IL5RA: variants seen among roughly 807,000 people sequenced by gnomAD.
IL5RA encodes interleukin 5 receptor subunit alpha.
In IL5RA, 49 loss-of-function variants were observed where a neutral mutation model predicts 50.0. That is an observed-to-expected ratio of 0.98 (90% confidence interval 0.78 to 1.24). The LOEUF is 1.24. Among genes scored for constraint, IL5RA ranks in the 50% most tolerant of loss-of-function variants. The pLI, the probability that IL5RA is intolerant of heterozygous loss-of-function variation, is 0.00. For synonymous variants in IL5RA, 202 were observed against 174.0 expected (o/e 1.16, Z -1.26); for missense variants, 600 against 500.4 (o/e 1.20, Z -1.90).
chr3:3,100,809 C>G (rs1703609211), intron 5 of IL5RA, among the ~76,000 whole-genome samples: 1 of 152,020 alleles, frequency 6.6e-6, no homozygotes, highest in Non-Finnish European at 1.5e-5. Context: ...TACTTGGGAT[C>G]AAGCCCATGC....
At chr3:3,070,397 AT>A in intron 11 of IL5RA, 86 bp from the exon 12 acceptor site, 1 of 773,720 alleles carries the variant, frequency 1.3e-6, no homozygotes, top group Admixed American at 2.4e-5. Flanking sequence ...TAAGTCTATT[AT>A]TTTTTAAATA....
chr3:3,080,438 TG>T (rs1382008688), intron 9 of IL5RA, among the ~76,000 whole-genome samples: 1 of 152,174 alleles, frequency 6.6e-6, no homozygotes, highest in Admixed American at 6.5e-5. Flanking sequence ...GAGGGCACAC[TG>T]AATACATAGG....
chr3:3,097,785 A>C, intron 7 of IL5RA, 85 bp downstream of exon 7: 1 of 1,418,542 alleles, frequency 7.0e-7, no homozygotes, highest in Non-Finnish European at 9.6e-7. Flanking sequence ...AGAAGCAGTA[A>C]AACTAGGTGA....
Position 3,102,510 on chromosome 3 carries a change from C to T in IL5RA, c.228+165G>A, listed in dbSNP as rs138641541. Among the ~76,000 whole-genome samples, 18 of 152,310 alleles carry T rather than the reference C, an allele frequency of 1.2e-4. 1 individual carries two copies. The highest frequency in any genetic ancestry group is 6.2e-4 in the South Asian group (3 of 4,830). On this transcript the variant is annotated intron_variant, in intron 4 of 11. Transcript: ENST00000446632. ...GTTTAACGCTGAACAATACACCCGGCGCTAGCTCACAGGCATTCTTAGAGA... is the reference window on the plus strand; with the variant it reads ...GTTTAACGCTGAACAATACACCCGGTGCTAGCTCACAGGCATTCTTAGAGA...
chr3:3,078,209 A>C (rs955618177), intron 9 of IL5RA, among the ~76,000 whole-genome samples: 1 of 152,218 alleles, frequency 6.6e-6, no homozygotes, highest in Non-Finnish European at 1.5e-5. Flanking sequence ...AAAAGAAGAA[A>C]TACATAAGTG....
chr3:3,090,156 A>T, intron 9 of IL5RA: 5 of 1,570,950 alleles, frequency 3.2e-6, no homozygotes, highest in Non-Finnish European at 4.4e-6. Context: ...AATAAATAAA[A>T]ATTAAAAAAC....
At position 3,107,669 on chromosome 3, in the gene IL5RA, G is replaced by C. The variant is rs1703992353; in HGVS notation, c.-4+881C>G. Reference sequence around the variant, plus strand: ...AGGAAGACATGCTCAATCTTTAAGAGAAATCATGATCTCATGATCTACTTG... The same window carrying C: ...AGGAAGACATGCTCAATCTTTAAGACAAATCATGATCTCATGATCTACTTG... On this transcript the variant is annotated intron_variant, in intron 2 of 11. Coordinates refer to ENST00000446632, the MANE Select transcript of IL5RA (RefSeq NM_175726.4). 2.6e-5 allele frequency among the ~76,000 whole-genome samples: 4 copies of C among 152,150 alleles called. No homozygotes were observed. The South Asian group carries it at 8.3e-4, about 32-fold the overall frequency.
rs377216242 is a variant in IL5RA, at chr3:3,095,281, A to C, written c.855+18T>G. The C allele has an allele frequency of 2.8e-5, 43 of 1,544,332 alleles. No homozygotes were observed. In the Middle Eastern group the frequency reaches 8.6e-4, roughly 31 times the overall value. On this transcript the variant is annotated intron_variant, in intron 8 of 11. Coordinates refer to ENST00000446632, the MANE Select transcript of IL5RA (RefSeq NM_175726.4). ...ACAAATGTCTGTTATCAAATATTGG[A>C]ATAATCTGAGTAATTACCTGCAAAT...
rs1298302450 is a variant in IL5RA, at chr3:3,068,926, T to C, written c.*1299A>G. Reference sequence around the variant, plus strand: ...TGTTTCTGTGCCTATTACCCAGGGTTCAACCCTCTGCTAGTTACAGTGGAT... The same window carrying C: ...TGTTTCTGTGCCTATTACCCAGGGTCCAACCCTCTGCTAGTTACAGTGGAT... On this transcript the variant is annotated 3_prime_UTR_variant, in exon 12 of 12. Transcript: ENST00000446632. The C allele has an allele frequency of 6.6e-6, 1 of 152,206 alleles. No individual in the cohort carries two copies. Among genetic ancestry groups the C allele is most frequent in the African/African-American group, 2.4e-5 (1 of 41,450 alleles). The allele number at this position is 152,206 out of a possible 1,614,324, so 9.4% of individuals were successfully genotyped here. A position where few individuals can be genotyped will look rare whatever the true frequency, so the allele number is the denominator to read the frequency against.
intron 9 of IL5RA, among the ~76,000 whole-genome samples, chr3:3,079,883 A>C (rs1034410686): frequency 4.6e-5 from 7 of 151,982 alleles, no homozygotes; most frequent in Non-Finnish European, 8.8e-5. Flanking sequence ...AAAATATAAA[A>C]ATTATCCAGG....
chr3:3,074,727 C>G, intron 11 of IL5RA, 55 bp downstream of exon 11: 1 of 1,028,288 alleles, frequency 9.7e-7, no homozygotes, highest in Admixed American at 1.9e-5. Flanking sequence ...ATGACAGCTC[C>G]CAGGGGACTC....
chr3:3,074,047 A>G (rs1702392018), intron 11 of IL5RA, among the ~76,000 whole-genome samples: 2 of 152,260 alleles, frequency 1.3e-5, no homozygotes, highest in African/African-American at 4.8e-5. Flanking sequence ...TGGGGAAAGG[A>G]TGATTTACTC....
intron 10 of IL5RA, among the ~76,000 whole-genome samples, chr3:3,075,427 T>C (rs548511477): frequency 1.3e-5 from 2 of 151,984 alleles, no homozygotes; most frequent in South Asian, 4.2e-4. Context: ...GGTCTCGAAC[T>C]CTTGACCTCA....
chr3:3,106,976 T>C (rs1458240822), intron 2 of IL5RA, among the ~76,000 whole-genome samples: 3 of 152,200 alleles, frequency 2.0e-5, no homozygotes, highest in African/African-American at 7.2e-5. Flanking sequence ...CTGTTGAATA[T>C]CTCAGTGGAG....
At chr3:3,090,443 T>C (rs1266800052) in intron 9 of IL5RA, among the ~76,000 whole-genome samples, 1 of 152,158 alleles carries the variant, frequency 6.6e-6, no homozygotes, top group Admixed American at 6.5e-5. Context: ...ATCATACACA[T>C]GAGACGCACT....
chr3:3,075,601 AG>A (rs1391257266), intron 10 of IL5RA, among the ~76,000 whole-genome samples: 9 of 149,180 alleles, frequency 6.0e-5, no homozygotes, highest in African/African-American at 2.2e-4. Context: ...TTAATAGAAA[AG>A]TCTTTTTTTT....
intron 10 of IL5RA, among the ~76,000 whole-genome samples, chr3:3,075,147 G>T (rs1234919381): frequency 6.6e-6 from 1 of 151,118 alleles, no homozygotes; most frequent in Non-Finnish European, 1.5e-5. Context: ...TTTCAAGTGG[G>T]TGGTGCTGAT....
At chr3:3,079,894 T>C (rs1456376300) in intron 9 of IL5RA, among the ~76,000 whole-genome samples, 3 of 151,886 alleles carry the variant, frequency 2.0e-5, no homozygotes, top group African/African-American at 7.3e-5. Context: ...ATTATCCAGG[T>C]GTGGTGCCGC....
At position 3,092,380 on chromosome 3, in the gene IL5RA, G is replaced by GA. The variant is rs771184025; in HGVS notation, c.856-19_856-18insT. 6.2e-7 allele frequency: 1 copy of GA among 1,609,754 alleles called. No homozygotes were observed. Among genetic ancestry groups the GA allele is most frequent in the South Asian group, 1.1e-5 (1 of 91,012 alleles). ...TTTTCTATCTAAGTGGGGAAAGATA[G>GA]CATTAGAAGAATCTCTAGACACCTA... On this transcript the variant is annotated intron_variant, in intron 8 of 11. Transcript: ENST00000446632. The surrounding 1 kb of genome is among the most constrained non-coding windows in gnomAD (Gnocchi z 4.2).
Sources: allele counts gnomAD v4.1 joint callset (sites outside exome capture counted in the v4.1 genomes callset), GRCh38; gene constraint gnomAD v4.1.1; non-coding constraint Gnocchi (gnomAD v3.1); transcripts MANE v1.5; gene names NCBI Gene and HGNC (gene_info 2026-07-23, HGNC 2026-07-21).